The following OXR1 variants were observed in gnomAD, a reference collection of about 807,000 sequenced individuals.
OXR1 encodes oxidation resistance protein 1.
A neutral mutation model predicts 104.6 loss-of-function variants in OXR1; 41 were observed. The observed-to-expected ratio is 0.39, with a 90% confidence interval of 0.31 to 0.51. OXR1 has a LOEUF of 0.51. OXR1 is among the 20% of genes least tolerant of loss of function. The pLI is 0.77. For missense variants in OXR1, 955 were observed against 1,031.9 expected (o/e 0.93, Z 1.02); for synonymous variants, 348 against 348.4 (o/e 1.00, Z 0.01).
intron 2 of OXR1, among the ~76,000 whole-genome samples, chr8:106,476,243 T>G (rs1005193988): frequency 1.3e-5 from 2 of 151,934 alleles, no homozygotes; most frequent in Non-Finnish European, 2.9e-5. Flanking sequence ...GTTGAACTCA[T>G]GGAGGTCTGG....
intron 3 of OXR1, among the ~76,000 whole-genome samples, chr8:106,671,018 C>T (rs1826892649): frequency 7.9e-6 from 1 of 126,492 alleles, no homozygotes; most frequent in Non-Finnish European, 1.6e-5. Context: ...GCACTCCAGC[C>T]TGGGTGACAG....
intron 1 of OXR1, among the ~76,000 whole-genome samples, chr8:106,295,626 A>G (rs1481914582): frequency 1.3e-5 from 2 of 152,090 alleles, no homozygotes; most frequent in Admixed American, 1.3e-4. Flanking sequence ...CTGAGAATCT[A>G]AAGAGTTGAT....
At chr8:106,504,286 C>A (rs898783542) in intron 2 of OXR1, among the ~76,000 whole-genome samples, 9 of 152,144 alleles carry the variant, frequency 5.9e-5, no homozygotes, top group Admixed American at 5.9e-4. Flanking sequence ...TAAGAGGAGT[C>A]CAGAGGAGCA....
chr8:106,704,881 T>C (rs1830996025), intron 8 of OXR1, among the ~76,000 whole-genome samples: 1 of 152,176 alleles, frequency 6.6e-6, no homozygotes, highest in Admixed American at 6.5e-5. Flanking sequence ...GAAATATCTT[T>C]AAATTCTGCC....
At position 106,391,509 on chromosome 8, in the gene OXR1, G is replaced by A. The variant is rs149726380; in HGVS notation, c.23+31873G>A. Among the ~76,000 whole-genome samples the A allele has an allele frequency of 5.9e-4, 90 of 152,226 alleles. No homozygotes were observed. The East Asian group carries it at 7.9e-3, about 13-fold the overall frequency. ...TGTTCTTTCTTTAAAATATTTTTGA[G>A]TAATGAATGCTGAAATGTAACAAAT... On this transcript the variant is annotated intron_variant, in intron 2 of 16. Transcript: ENST00000517566.
At chr8:106,663,354 C>T (rs1183452274) in intron 3 of OXR1, among the ~76,000 whole-genome samples, 1 of 152,108 alleles carries the variant, frequency 6.6e-6, no homozygotes, top group Admixed American at 6.5e-5. Context: ...AAAATTCTAT[C>T]ATGTAAGGTA....
At chr8:106,405,629 T>C (rs1818205729) in intron 2 of OXR1, among the ~76,000 whole-genome samples, 1 of 152,116 alleles carries the variant, frequency 6.6e-6, no homozygotes, top group Non-Finnish European at 1.5e-5. Flanking sequence ...TGAACAATCA[T>C]AGGCTAACTT....
At chr8:106,670,294 T>C (rs558812012) in intron 3 of OXR1, among the ~76,000 whole-genome samples, 1 of 152,200 alleles carries the variant, frequency 6.6e-6, no homozygotes, top group South Asian at 2.1e-4. Context: ...ACTTAATTAA[T>C]AAGATCTGGT....
Position 106,737,590 on chromosome 8 carries a change from G to T in OXR1, c.2027G>T (p.Arg676Ile), listed in dbSNP as rs755802366. The change falls in exon 12 of 17, where the codon AGA becomes ATA. Residue 676 changes from arginine (R) to isoleucine (I), a missense_variant. Arg to Ile is a moderately conservative substitution (Grantham distance 97). Transcript: ENST00000517566. ...LNTEELRTLC[R>I]RLQITTREDI... Reference sequence around the variant, plus strand: ...ACTGAAGAACTGCGCACACTCTGCAGACGCCTCCAGGTGCCCCCTTCAGTA... The same window carrying T: ...ACTGAAGAACTGCGCACACTCTGCATACGCCTCCAGGTGCCCCCTTCAGTA... The T allele has an allele frequency of 2.1e-6, 3 of 1,397,872 alleles. No individual in the cohort carries two copies. The highest frequency in any genetic ancestry group is 2.8e-6 in the Non-Finnish European group (3 of 1,065,368). 86.6% of individuals were successfully genotyped at this position (1,397,872 alleles called of 1,614,324 possible).
chr8:106,425,507 C>T (rs541436873), intron 2 of OXR1, among the ~76,000 whole-genome samples: 1 of 152,236 alleles, frequency 6.6e-6, no homozygotes, highest in East Asian at 1.9e-4. Flanking sequence ...TAAAAATAAT[C>T]AGCAAAGAAA....
intron 3 of OXR1, among the ~76,000 whole-genome samples, chr8:106,671,024 G>A (rs1826895154): frequency 1.0e-5 from 1 of 98,830 alleles, no homozygotes; most frequent in Admixed American, 1.1e-4. Flanking sequence ...CAGCCTGGGT[G>A]ACAGAGTGAG....
At chr8:106,619,301 A>T (rs1821499645) in intron 3 of OXR1, among the ~76,000 whole-genome samples, 1 of 152,158 alleles carries the variant, frequency 6.6e-6, no homozygotes, top group Admixed American at 6.6e-5. Context: ...TTTTCTTTTT[A>T]TCTGGGTAAT....
chr8:106,384,631 T>A (rs908380995), intron 2 of OXR1, among the ~76,000 whole-genome samples: 1 of 152,192 alleles, frequency 6.6e-6, no homozygotes, highest in African/African-American at 2.4e-5. Flanking sequence ...TTTATTTTCT[T>A]TTCTCTATAG....
At chr8:106,598,163 T>C (rs1158303275) in intron 3 of OXR1, among the ~76,000 whole-genome samples, 1 of 152,162 alleles carries the variant, frequency 6.6e-6, no homozygotes, top group Non-Finnish European at 1.5e-5. Flanking sequence ...CCTTTTAAAC[T>C]TGTGGAGGAG....
Position 106,522,015 on chromosome 8 carries a change from C to A in OXR1, c.220+2876C>A, listed in dbSNP as rs112863046. 4.0e-3 allele frequency among the ~76,000 whole-genome samples: 610 copies of A among 152,196 alleles called. 2 individuals are homozygous for A. Among genetic ancestry groups the A allele is most frequent in the Non-Finnish European group, 6.8e-3 (465 of 67,994 alleles). On this transcript the variant is annotated intron_variant, in intron 3 of 16. Transcript: ENST00000517566. ...GAGCCCTCTTGTGGCCAAGTAAGTG[C>A]ATTTAAATTTAGCAATGAAGTTTCA...
At chr8:106,476,337 C>G (rs1821808501) in intron 2 of OXR1, among the ~76,000 whole-genome samples, 1 of 151,916 alleles carries the variant, frequency 6.6e-6, no homozygotes, top group Admixed American at 6.6e-5. Flanking sequence ...TTCAATAACT[C>G]AAAGCGTTGA....
chr8:106,397,919 C>T (rs559656902), intron 2 of OXR1, among the ~76,000 whole-genome samples: 98 of 152,222 alleles, frequency 6.4e-4, no homozygotes, highest in Middle Eastern at 3.4e-3. Context: ...TTGGATCCTT[C>T]TGAAGGCTGA....
chr8:106,338,382 G>T (rs1292873080), intron 1 of OXR1, among the ~76,000 whole-genome samples: 3 of 151,872 alleles, frequency 2.0e-5, no homozygotes, highest in African/African-American at 4.8e-5. Flanking sequence ...GATCAACATG[G>T]TGAAACCTAG....
chr8:106,703,866 A>G (rs1412100753), intron 8 of OXR1, among the ~76,000 whole-genome samples: 1 of 152,236 alleles, frequency 6.6e-6, no homozygotes, highest in Non-Finnish European at 1.5e-5. Context: ...TCCTTCATAC[A>G]TGACTACCAA....
Sources: gnomAD v4.1 joint callset for allele counts (sites outside exome capture counted in the v4.1 genomes callset) on GRCh38, gnomAD v4.1.1 for gene constraint, MANE v1.5 for transcripts, NCBI Gene and HGNC (gene_info 2026-07-23, HGNC 2026-07-21) for gene names.